The following SYNPR variants were observed in gnomAD, a reference collection of about 807,000 sequenced individuals.
The protein encoded by SYNPR is synaptoporin.
SYNPR carries 23 observed loss-of-function variants against 32.9 expected under a neutral mutation model. That is an observed-to-expected ratio of 0.70 (90% CI 0.50 to 0.99). The LOEUF (loss-of-function observed/expected upper bound fraction) is 0.99. Ranked by LOEUF, SYNPR falls within the 50% of genes least tolerant of loss-of-function variation. SYNPR has a pLI of 0.00. For missense variants in SYNPR, 318 were observed against 349.3 expected (o/e 0.91, Z 0.71); for synonymous variants, 146 against 135.9 (o/e 1.07, Z -0.52).
chr3:63,485,250 C>CA (rs1211374443), intron 3 of SYNPR, among the ~76,000 whole-genome samples: 8 of 151,716 alleles, frequency 5.3e-5, no homozygotes, highest in Admixed American at 5.3e-4. Flanking sequence ...TGAAAGACAC[C>CA]AAAAGGAGAA....
chr3:63,437,881 C>T (rs555367846), intron 2 of SYNPR, among the ~76,000 whole-genome samples: 6 of 152,076 alleles, frequency 3.9e-5, no homozygotes, highest in Non-Finnish European at 8.8e-5. Context: ...TAGGATGCCT[C>T]AAAGAAAGGG....
chr3:63,613,993 C>T (rs1226108639), intron 5 of SYNPR, among the ~76,000 whole-genome samples: 2 of 152,098 alleles, frequency 1.3e-5, no homozygotes, highest in African/African-American at 4.8e-5. Context: ...AGATCCAAGT[C>T]TCCAAGGCCC....
chr3:63,468,900 T>TA (rs1700741084), intron 2 of SYNPR, among the ~76,000 whole-genome samples: 1 of 152,010 alleles, frequency 6.6e-6, no homozygotes, highest in African/African-American at 2.4e-5. Flanking sequence ...ACATTTTTTT[T>TA]TAAAAAAAGG....
At chr3:63,384,484 T>C (rs1001501568) in intron 2 of SYNPR, among the ~76,000 whole-genome samples, 6 of 152,204 alleles carry the variant, frequency 3.9e-5, no homozygotes, top group Non-Finnish European at 5.9e-5. Context: ...ATTTTATGTT[T>C]CTTTTATCTC....
rs1559546306 is a variant in SYNPR at position 63,595,788 on chromosome 3, TA to T, written c.409-13336del. 1.7e-3 allele frequency among the ~76,000 whole-genome samples: 89 copies of T among 52,266 alleles called. 4 individuals carry two copies. The highest frequency in any genetic ancestry group is 3.0e-3 in the African/African-American group (35 of 11,536). 34.3% of individuals were successfully genotyped at this position (52,266 alleles called of 152,430 possible). On this transcript the variant is annotated intron_variant, in intron 4 of 5. Coordinates refer to ENST00000478300, the MANE Select transcript of SYNPR (RefSeq NM_001130003.2). Reference sequence around the variant, plus strand: ...ATATATAATTTTATATATATATAGTTATATATATATAGTTATATATATATAT... The same window carrying T: ...ATATATAATTTTATATATATATAGTTTATATATATAGTTATATATATATAT...
chr3:63,479,987 G>A (rs932248683), intron 2 of SYNPR, among the ~76,000 whole-genome samples: 2 of 152,148 alleles, frequency 1.3e-5, no homozygotes, highest in Non-Finnish European at 2.9e-5. Flanking sequence ...GCATTTGATC[G>A]ACTTCCTTTA....
chr3:63,608,657 T>C (rs914230857), intron 4 of SYNPR, among the ~76,000 whole-genome samples: 1 of 152,218 alleles, frequency 6.6e-6, no homozygotes, highest in African/African-American at 2.4e-5. Context: ...CATTAGCAGA[T>C]CTGTCTAAAG....
intron 3 of SYNPR, among the ~76,000 whole-genome samples, chr3:63,516,680 C>T (rs76131359): frequency 0.03 from 4,554 of 152,170 alleles, 84 homozygotes; most frequent in African/African-American, 0.039. Flanking sequence ...CCAAAGACTA[C>T]GGTCTTTCTT....
At position 63,582,774 on chromosome 3, in the gene SYNPR, G is replaced by T. The variant is rs72889234; in HGVS notation, c.408+26033G>T. 3.5e-3 allele frequency among the ~76,000 whole-genome samples: 535 copies of T among 152,062 alleles called. 4 individuals are homozygous for T. Among genetic ancestry groups the T allele is most frequent in the African/African-American group, 0.012 (507 of 41,500 alleles). Reference sequence around the variant, plus strand: ...TGGAATCGGACTGCATTTGTGCCCCGGTTCTACCACTTACTAGCTGGTTAA... The same window carrying T: ...TGGAATCGGACTGCATTTGTGCCCCTGTTCTACCACTTACTAGCTGGTTAA... On this transcript the variant is annotated intron_variant, in intron 4 of 5. Coordinates refer to ENST00000478300, the MANE Select transcript of SYNPR (RefSeq NM_001130003.2).
intron 2 of SYNPR, among the ~76,000 whole-genome samples, chr3:63,260,833 G>A (rs997977162): frequency 2.2e-4 from 33 of 151,438 alleles, no homozygotes; most frequent in Non-Finnish European, 4.0e-4. Flanking sequence ...CTGACAAAGG[G>A]CTAATATCCA....
chr3:63,533,537 C>T (rs537584969), intron 3 of SYNPR, among the ~76,000 whole-genome samples: 2 of 151,984 alleles, frequency 1.3e-5, no homozygotes, highest in African/African-American at 4.8e-5. Flanking sequence ...ACAGAAATTA[C>T]CTTGGGGTAA....
At chr3:63,566,144 T>C (rs1702785876) in intron 4 of SYNPR, among the ~76,000 whole-genome samples, 1 of 152,152 alleles carries the variant, frequency 6.6e-6, no homozygotes, top group Non-Finnish European at 1.5e-5. Flanking sequence ...TGCTCCTGAC[T>C]CCATATCTAA....
chr3:63,601,778 T>C (rs6445367), intron 4 of SYNPR, among the ~76,000 whole-genome samples: 103,997 of 152,102 alleles, frequency 0.68, 36,840 homozygotes, highest in African/African-American at 0.88. Context: ...TTGTGAATAG[T>C]GTGGCAGTAA....
intron 4 of SYNPR, among the ~76,000 whole-genome samples, chr3:63,567,055 A>G (rs1702801675): frequency 6.6e-6 from 1 of 152,098 alleles, no homozygotes; most frequent in African/African-American, 2.4e-5. Flanking sequence ...ATGTTCTTCT[A>G]TATTATTTTT....
chr3:63,555,481 C>G (rs912911822), intron 3 of SYNPR, among the ~76,000 whole-genome samples: 1 of 151,922 alleles, frequency 6.6e-6, no homozygotes, highest in Admixed American at 6.6e-5. Flanking sequence ...CGACTTAGTT[C>G]CAGTTCACAC....
At chr3:63,416,867 C>T (rs2088549085) in intron 2 of SYNPR, among the ~76,000 whole-genome samples, 1 of 152,124 alleles carries the variant, frequency 6.6e-6, no homozygotes, top group Non-Finnish European at 1.5e-5. Context: ...TCAATTACCT[C>T]CCACCAGGTG....
At chr3:63,552,499 T>C (rs1702520126) in intron 3 of SYNPR, among the ~76,000 whole-genome samples, 1 of 152,110 alleles carries the variant, frequency 6.6e-6, no homozygotes, top group South Asian at 2.1e-4. Flanking sequence ...AAAAGGATTT[T>C]TGTGGGAAAG....
At chr3:63,328,089 G>A (rs2087186997) in intron 2 of SYNPR, among the ~76,000 whole-genome samples, 1 of 152,144 alleles carries the variant, frequency 6.6e-6, no homozygotes, top group Non-Finnish European at 1.5e-5. Flanking sequence ...GTGTCCCCAT[G>A]ATTAGGTTTT....
chr3:63,216,852 G>T, the SYNPR span, among the ~76,000 whole-genome samples: 1 of 50,872 alleles, frequency 2.0e-5, no homozygotes, highest in South Asian at 5.0e-4. Context: ...ATCTGCTTTT[G>T]GTCTTAGATG....
Sources: allele counts gnomAD v4.1 joint callset (sites outside exome capture counted in the v4.1 genomes callset), GRCh38; gene constraint gnomAD v4.1.1; transcripts MANE v1.5; gene names NCBI Gene and HGNC (gene_info 2026-07-23, HGNC 2026-07-21).